SEMA3A: variants seen among roughly 807,000 people sequenced by gnomAD.
The protein encoded by SEMA3A is semaphorin-3A.
Under a neutral mutation model 97.9 loss-of-function variants are expected in SEMA3A, and 29 were observed. That is an observed-to-expected ratio of 0.30 (90% CI 0.22 to 0.40). SEMA3A has a LOEUF of 0.40. SEMA3A is among the 10% of genes least tolerant of loss of function. SEMA3A has a pLI of 1.00. For missense variants in SEMA3A, 763 were observed against 951.3 expected (o/e 0.80, Z 2.60); for synonymous variants, 321 against 323.7 (o/e 0.99, Z 0.09).
chr7:84,169,139 T>A (rs552953748), intron 1 of SEMA3A, among the ~76,000 whole-genome samples: 55 of 151,718 alleles, frequency 3.6e-4, no homozygotes, highest in Non-Finnish European at 7.1e-4. Flanking sequence ...GTGATGAAAA[T>A]AACATGTCTA....
rs1584252948 is a variant in SEMA3A at position 84,344,169 on chromosome 7, G to T, written c.-169+27655C>A. Among the ~76,000 whole-genome samples the T allele has an allele frequency of 3.9e-5, 6 of 152,242 alleles. 1 individual carries two copies. The highest frequency in any genetic ancestry group is 3.9e-4 in the Admixed American group (6 of 15,276). ...GCAATTTGTTCAAATGGAAATGTTT[G>T]TCCGTATACTCAGTATGGATTTTTG... On this transcript the variant is annotated intron_variant, in intron 2 of 3. Transcript: ENST00000424555.
chr7:84,267,617 T>G (rs1211423127), intron 3 of SEMA3A, among the ~76,000 whole-genome samples: 1 of 152,054 alleles, frequency 6.6e-6, no homozygotes, highest in Non-Finnish European at 1.5e-5. Flanking sequence ...TTGATAAAAA[T>G]GAAGACGTGT....
At chr7:83,983,343 A>G (rs1210923296) in intron 13 of SEMA3A, among the ~76,000 whole-genome samples, 1 of 152,012 alleles carries the variant, frequency 6.6e-6, no homozygotes, top group Non-Finnish European at 1.5e-5. Context: ...GTGTCAATCC[A>G]TACATTGTGT....
intron 4 of SEMA3A, among the ~76,000 whole-genome samples, chr7:84,073,047 A>G (rs960156690): frequency 6.6e-6 from 1 of 151,714 alleles, no homozygotes; most frequent in African/African-American, 2.4e-5. Flanking sequence ...TATTTACACT[A>G]AACACACTAA....
intron 1 of SEMA3A, among the ~76,000 whole-genome samples, chr7:84,135,689 T>C (rs908678313): frequency 6.6e-6 from 1 of 152,218 alleles, no homozygotes; most frequent in African/African-American, 2.4e-5. Context: ...ACATCCGGTT[T>C]AACCTCTTAG....
chr7:84,458,938 C>T (rs1805755340), intron 1 of SEMA3A, among the ~76,000 whole-genome samples: 1 of 151,666 alleles, frequency 6.6e-6, no homozygotes, highest in East Asian at 1.9e-4. Flanking sequence ...ACTCATTAGC[C>T]AACTCCTCTT....
chr7:84,473,633 C>T (rs372936205), intron 1 of SEMA3A, among the ~76,000 whole-genome samples: 61 of 152,048 alleles, frequency 4.0e-4, no homozygotes, highest in African/African-American at 1.3e-3. Flanking sequence ...TAGTTAGCCA[C>T]CCTCCTCGGC....
intron 2 of SEMA3A, among the ~76,000 whole-genome samples, chr7:84,344,412 G>A (rs933314162): frequency 1.3e-5 from 2 of 152,142 alleles, no homozygotes; most frequent in African/African-American, 2.4e-5. Flanking sequence ...ATTGCACCAA[G>A]GTGTTGCTTG....
chr7:84,150,916 A>C (rs1368646328), intron 1 of SEMA3A, among the ~76,000 whole-genome samples: 3 of 150,584 alleles, frequency 2.0e-5, no homozygotes, highest in South Asian at 2.2e-4. Context: ...CTGCCTCCTC[A>C]AGTGGGTCCC....
intron 1 of SEMA3A, among the ~76,000 whole-genome samples, chr7:84,389,073 A>G (rs1251060250): frequency 6.6e-6 from 1 of 152,030 alleles, no homozygotes; most frequent in African/African-American, 2.4e-5. Context: ...AAAGGGCCTT[A>G]TTTCTATGCC....
chr7:84,379,547 T>C (rs1421504590), intron 1 of SEMA3A, among the ~76,000 whole-genome samples: 1 of 152,148 alleles, frequency 6.6e-6, no homozygotes, highest in Non-Finnish European at 1.5e-5. Flanking sequence ...ACTGAATTCA[T>C]CTATAAAACA....
chr7:84,433,366 G>A lies in SEMA3A; in HGVS notation c.-246+59094C>T, dbSNP rs113368670. On this transcript the variant is annotated intron_variant, in intron 1 of 3. Coordinates refer to the SEMA3A transcript ENST00000424555. ...CTTGTGTTAGTTTGCTGAGAATGAT[G>A]GTTTCCAGCATCATCCATGTCCCTG... Among the ~76,000 whole-genome samples the A allele has an allele frequency of 3.4e-3, 523 of 151,894 alleles. 4 individuals carry two copies. The highest frequency in any genetic ancestry group is 0.012 in the African/African-American group (509 of 41,422).
chr7:84,149,044 C>T (rs6978184), intron 1 of SEMA3A, among the ~76,000 whole-genome samples: 126,011 of 152,094 alleles, frequency 0.83, 52,358 homozygotes, highest in East Asian at 0.92. Flanking sequence ...TTGATTCTTC[C>T]AACCCCACCT....
At chr7:84,478,341 C>A (rs1190708617) in intron 1 of SEMA3A, among the ~76,000 whole-genome samples, 1 of 152,136 alleles carries the variant, frequency 6.6e-6, no homozygotes, top group Non-Finnish European at 1.5e-5. Flanking sequence ...ACAATGGGAA[C>A]TTCCCTGACT....
chr7:84,107,007 C>T (rs1795128650), intron 4 of SEMA3A, among the ~76,000 whole-genome samples: 2 of 152,266 alleles, frequency 1.3e-5, no homozygotes, highest in South Asian at 4.1e-4. Context: ...AAAGTACACA[C>T]ACAATGTCTA....
At chr7:84,172,598 T>C (rs910120188) in intron 1 of SEMA3A, among the ~76,000 whole-genome samples, 39 of 147,084 alleles carry the variant, frequency 2.7e-4, no homozygotes, top group Admixed American at 1.1e-3. Flanking sequence ...ATTTTTTGTA[T>C]TTTTTTTTCA....
chr7:84,022,636 G>T (rs1287422992), intron 6 of SEMA3A, among the ~76,000 whole-genome samples: 1 of 152,188 alleles, frequency 6.6e-6, no homozygotes, highest in East Asian at 1.9e-4. Context: ...GCTTTGTGAA[G>T]CAGAAAGTCA....
At chr7:84,145,752 TC>T in intron 1 of SEMA3A, among the ~76,000 whole-genome samples, 1 of 152,194 alleles carries the variant, frequency 6.6e-6, no homozygotes, top group Non-Finnish European at 1.5e-5. Flanking sequence ...AGTAACTTGT[TC>T]TTTATATTTA....
chr7:84,434,588 G>A (rs555856539), intron 1 of SEMA3A, among the ~76,000 whole-genome samples: 1 of 152,218 alleles, frequency 6.6e-6, no homozygotes, highest in East Asian at 1.9e-4. Flanking sequence ...TATCCCTAAT[G>A]AGGACAGACA....
Sources: gnomAD v4.1 joint callset for allele counts (sites outside exome capture counted in the v4.1 genomes callset) on GRCh38, gnomAD v4.1.1 for gene constraint, MANE v1.5 for transcripts, NCBI Gene and HGNC (gene_info 2026-07-23, HGNC 2026-07-21) for gene names.